The following PLCH2 variants were observed in gnomAD, a reference collection of about 807,000 sequenced individuals.
PLCH2 encodes the protein phospholipase C eta 2.
PLCH2 carries 98 observed loss-of-function variants against 134.7 expected under a neutral mutation model. The observed-to-expected ratio is 0.73, with a 90% CI of 0.62 to 0.86. PLCH2 has a LOEUF of 0.86. Ranked by LOEUF, PLCH2 falls within the 40% of genes least tolerant of loss-of-function variation. The pLI is 0.00. For synonymous variants in PLCH2, 974 were observed against 827.5 expected, an observed-to-expected ratio of 1.18 and a Z score of -3.04; for missense variants, 1,994 against 1,986.6, an observed-to-expected ratio of 1.00 and a Z score of -0.07.
In PLCH2 at chr1:2,480,331, T is replaced by C. The variant is rs749139227; in HGVS notation, c.645+19T>C. The stretch of plus-strand genomic sequence containing the variant: ...GTTCAGGGTGAGCTGGGGGGAGCCC[T>C]ACCTGGGCTCCAGAGCCAGGGCTGC... On this transcript the variant is annotated intron_variant, in intron 4 of 21. Transcript: ENST00000378486. 3 of 1,606,968 alleles carry C rather than the reference T, an allele frequency of 1.9e-6. No individual in the cohort carries two copies. The highest frequency in any genetic ancestry group is 2.6e-6 in the Non-Finnish European group (3 of 1,175,906).
upstream of PLCH2, among the ~76,000 whole-genome samples, chr1:2,475,119 G>A (rs1641545175): frequency 6.6e-6 from 1 of 152,188 alleles, no homozygotes; most frequent in African/African-American, 2.4e-5. Flanking sequence ...GCTGGGTGTG[G>A]CCCTGGTTGT....
chr1:2,489,439 C>A, intron 9 of PLCH2, 61 bp downstream of exon 9: 1 of 1,551,974 alleles, frequency 6.4e-7, no homozygotes, highest in Non-Finnish European at 8.8e-7. Flanking sequence ...TGCAGCAGTG[C>A]CCTGCTCCAG....
chr1:2,467,633 G>A (rs1346052659), exon 1 of PLCH2: 1 of 412,972 alleles, frequency 2.4e-6, no homozygotes, highest in Non-Finnish European at 4.3e-6. Flanking sequence ...GAAGAGCCTG[G>A]GCCCCCAGGT....
In PLCH2 at chr1:2,456,568, G is replaced by A. The variant is rs538784964; in HGVS notation, c.116-21908G>A. 2.5e-4 allele frequency among the ~76,000 whole-genome samples: 38 copies of A among 152,302 alleles called. No individual in the cohort carries two copies. In the East Asian group the frequency reaches 2.5e-3, roughly 10 times the overall value. On this transcript the variant is annotated intron_variant, in intron 2 of 3. Transcript: ENST00000609981. ...GGGTGGCTCGTCCTGTGCAGCCCCC[G>A]CCCCCGGCAGACCCGTCGACCCCTT...
intron 4 of PLCH2, among the ~76,000 whole-genome samples, chr1:2,483,674 C>T (rs960613527): frequency 1.3e-5 from 2 of 152,130 alleles, no homozygotes; most frequent in African/African-American, 4.8e-5. Context: ...GACTTTATTG[C>T]TGCCATGGGA....
At chr1:2,489,967 C>A in intron 10 of PLCH2, 100 bp downstream of exon 10, 1 of 895,628 alleles carries the variant, frequency 1.1e-6, no homozygotes, top group Non-Finnish European at 1.8e-6. Flanking sequence ...GGGAGGCATC[C>A]GGGAGAGAGG....
At chr1:2,501,720 G>A (rs982729247) in intron 20 of PLCH2, 4 of 202,054 alleles carry the variant, frequency 2.0e-5, no homozygotes, top group East Asian at 2.2e-4. Context: ...TGCTAGCGCC[G>A]GGGGCTGCGG....
chr1:2,492,374 A>G (rs991192331), intron 11 of PLCH2: 4 of 152,064 alleles, frequency 2.6e-5, no homozygotes, highest in African/African-American at 9.7e-5. Context: ...GGTGGGGGAG[A>G]GTGGCCATCT....
At position 2,499,647 on chromosome 1, in the gene PLCH2, G is replaced by C. The variant is rs370577115; in HGVS notation, c.2588G>C (p.Arg863Thr). The C allele has an allele frequency of 6.2e-7, 1 of 1,600,616 alleles. No individual in the cohort carries two copies. Among genetic ancestry groups the C allele is most frequent in the Non-Finnish European group, 8.5e-7 (1 of 1,173,998 alleles). ...CTGACCCACACTGCTCCAGGCTACA[G>C]ACACGTGTACCTAGAAGGGATGGAA... ...LAFSSMMPGY[R>T]HVYLEGMEEA... Residue 863 changes from arginine (R) to threonine (T), a missense_variant, in exon 20 of 22, where the codon AGA (arginine) becomes ACA (threonine). Physicochemically the swap from Arg to Thr is moderately conservative, Grantham distance 71 (BLOSUM62 -1). This residue lies in a region of PLCH2 where 1,094 missense variants were observed against 1,234.3 expected (regional missense o/e 0.89). Transcript: ENST00000378486.
At position 2,429,563 on chromosome 1, in the gene PLCH2, G is replaced by C. The variant is rs556420212; in HGVS notation, c.-177-775G>C. 9.2e-5 allele frequency among the ~76,000 whole-genome samples: 14 copies of C among 152,302 alleles called. No homozygotes were observed. In the South Asian group the frequency reaches 2.9e-3, roughly 32 times the overall value. On this transcript the variant is annotated intron_variant, in intron 1 of 3. Transcript: ENST00000609981. ...ACCCCTGGGCCAGGACGAGGAGGCTGTTTGGAGCCTGGGGCCCCTTCTTGG... is the reference window on the plus strand; with the variant it reads ...ACCCCTGGGCCAGGACGAGGAGGCTCTTTGGAGCCTGGGGCCCCTTCTTGG...
chr1:2,438,633 A>C (rs1461139383), intron 2 of PLCH2, among the ~76,000 whole-genome samples: 2 of 151,832 alleles, frequency 1.3e-5, no homozygotes, highest in African/African-American at 4.8e-5. Flanking sequence ...AAGAGAGAGC[A>C]CCCCCGGCCA....
Position 2,505,500 on chromosome 1 carries a change from T to C in PLCH2, c.*287T>C, listed in dbSNP as rs375087277. On this transcript the variant is annotated 3_prime_UTR_variant, in exon 22 of 22. Coordinates refer to ENST00000378486, the MANE Select transcript of PLCH2 (RefSeq NM_014638.4). ...TTTAAATTTTTAGAAGCAAAACTTA[T>C]ACAACATTAAAATGATACCAAGTCC... is the stretch of plus-strand genomic sequence containing the variant. 16 of 480,276 alleles carry C rather than the reference T, an allele frequency of 3.3e-5. No homozygotes were observed. The highest frequency in any genetic ancestry group is 7.9e-5 in the Admixed American group (2 of 25,244). The allele number at this position is 480,276 out of a possible 1,614,324, so 29.8% of individuals were successfully genotyped here. A position where few individuals can be genotyped will look rare whatever the true frequency, so the allele number is the denominator to read the frequency against.
chr1:2,503,104 G>T, intron 21 of PLCH2: 1 of 691,402 alleles, frequency 1.4e-6, no homozygotes. Context: ...CCTCCTGTCT[G>T]AGCTTGAGGC....
the PLCH2 span, among the ~76,000 whole-genome samples, chr1:2,416,705 C>T: frequency 3.3e-3 from 499 of 152,304 alleles, 3 homozygotes; most frequent in Middle Eastern, 0.02. Flanking sequence ...CTGGAGCCTC[C>T]GTGGGAAACA....
chr1:2,449,170 C>A (rs1273464857), intron 2 of PLCH2, among the ~76,000 whole-genome samples: 1 of 136,116 alleles, frequency 7.3e-6, no homozygotes, highest in African/African-American at 2.7e-5. Flanking sequence ...GAGGTTGGAG[C>A]TATTTCAGTA....
At chr1:2,462,776 C>A (rs1264009632), upstream of PLCH2, among the ~76,000 whole-genome samples, 1 of 152,052 alleles carries the variant, frequency 6.6e-6, no homozygotes. Context: ...GAGGGGCATC[C>A]CTTGCCTTAC....
upstream of PLCH2, among the ~76,000 whole-genome samples, chr1:2,471,788 CCAGGAGCCACCCAAGGGGG>C (rs1423317844): frequency 6.6e-6 from 1 of 152,136 alleles, no homozygotes. Flanking sequence ...TGCACACGGA[CCAGGAGCCACCCAAGGGGG>C]CAGAACAAAG....
chr1:2,424,095 T>A (rs1638655193), upstream of PLCH2, among the ~76,000 whole-genome samples: 2 of 152,236 alleles, frequency 1.3e-5, no homozygotes, highest in African/African-American at 4.8e-5. Flanking sequence ...TGACAGATTA[T>A]AGTTGTATAT....
At chr1:2,480,131 G>C in intron 3 of PLCH2, 52 bp from the exon 4 acceptor site, 1 of 1,606,010 alleles carries the variant, frequency 6.2e-7, no homozygotes, top group Admixed American at 1.7e-5. Flanking sequence ...AGAGGGTGGA[G>C]GTGTCAGGGC....
Sources: allele counts gnomAD v4.1 joint callset (sites outside exome capture counted in the v4.1 genomes callset), GRCh38; gene constraint gnomAD v4.1.1; regional missense constraint gnomAD v4.1.1; transcripts MANE v1.5; gene names NCBI Gene and HGNC (gene_info 2026-07-23, HGNC 2026-07-21).